ASXL2: variants seen among roughly 807,000 people sequenced by gnomAD.
ASXL2 encodes ASXL transcriptional regulator 2.
In ASXL2, 23 loss-of-function variants were observed where a neutral mutation model predicts 122.0. The observed-to-expected ratio is 0.19, with a 90% CI of 0.14 to 0.27. The LOEUF (loss-of-function observed/expected upper bound fraction) is 0.27, where lower values mean the gene tolerates loss of function less well. Among genes scored for constraint, ASXL2 ranks in the 10% least tolerant of loss-of-function variants. The probability of loss-of-function intolerance (pLI) is 1.00; values close to 1 mark genes in which losing one functional copy is unlikely to be tolerated. For synonymous variants in ASXL2, 650 were observed against 637.0 expected (o/e 1.02, Z -0.31); for missense variants, 1,518 against 1,713.8 (o/e 0.89, Z 2.02).
chr2:25,815,488 T>C (rs75197607), intron 3 of ASXL2, among the ~76,000 whole-genome samples: 2 of 152,190 alleles, frequency 1.3e-5, no homozygotes, highest in African/African-American at 2.4e-5. Flanking sequence ...ATAAATCCTA[T>C]ACTTCTCTGA....
intron 5 of ASXL2, among the ~76,000 whole-genome samples, chr2:25,796,906 C>A (rs1244825301): frequency 6.6e-6 from 1 of 151,986 alleles, no homozygotes; most frequent in African/African-American, 2.4e-5. Flanking sequence ...AAAAGAAATC[C>A]AGATACAGGT....
chr2:25,802,470 T>G (rs1320205306), intron 4 of ASXL2, among the ~76,000 whole-genome samples: 1 of 152,218 alleles, frequency 6.6e-6, no homozygotes, highest in African/African-American at 2.4e-5. Context: ...GCAATAGTGT[T>G]ACTAGTAGAA....
chr2:25,775,719 C>A (rs1370644561), intron 5 of ASXL2, among the ~76,000 whole-genome samples: 93 of 152,260 alleles, frequency 6.1e-4, no homozygotes, highest in Admixed American at 6.0e-3. Flanking sequence ...TCAACTAAAC[C>A]TTTTTCCTTT....
chr2:25,742,001 C>G lies in ASXL2; in HGVS notation c.*28G>C, dbSNP rs374936572. 3.2e-6 allele frequency: 5 copies of G among 1,585,636 alleles called. No individual in the cohort carries two copies. Among genetic ancestry groups the G allele is most frequent in the Non-Finnish European group, 4.3e-6 (5 of 1,161,910 alleles). ...CTGGTCAACCCTTCCCTTCCCCCTC[C>G]TTTACAGTGTATCTCTTTCTAGTCT... is the stretch of plus-strand genomic sequence containing the variant. On this transcript the variant is annotated 3_prime_UTR_variant, in exon 13 of 13. Transcript: ENST00000435504.
chr2:25,784,727 C>T (rs2088709237), intron 5 of ASXL2, among the ~76,000 whole-genome samples: 1 of 152,232 alleles, frequency 6.6e-6, no homozygotes, highest in Non-Finnish European at 1.5e-5. Flanking sequence ...CTTCATGTCT[C>T]CATGTCTTCA....
chr2:25,866,802 G>A (rs544016988), intron 1 of ASXL2, among the ~76,000 whole-genome samples: 13 of 151,762 alleles, frequency 8.6e-5, no homozygotes, highest in African/African-American at 2.9e-4. Context: ...GTATGATCTC[G>A]GCTCATTGCA....
At position 25,744,451 on chromosome 2, in the gene ASXL2, A is replaced by C; in HGVS notation, c.1886T>G (p.Met629Arg). The C allele has an allele frequency of 1.2e-6, 2 of 1,604,904 alleles. No homozygotes were observed. The highest frequency in any genetic ancestry group is 8.5e-7 in the Non-Finnish European group (1 of 1,177,326). ...LKIPVSRISP[M>R]PFHPSQVSPR... ...AGAGACCTGCGATGGATGAAACGGC[A>C]TGGGGGAGATTCTGGAGACCGGGAT... The change falls in exon 13 of 13, where the codon ATG becomes AGG. Residue 629 changes from methionine (M) to arginine (R), a missense_variant. Met to Arg is a moderately conservative substitution (Grantham distance 91, BLOSUM62 -1). Transcript: ENST00000435504. The surrounding 1 kb of genome is among the most constrained non-coding windows in gnomAD (Gnocchi z 4.7).
intron 1 of ASXL2, among the ~76,000 whole-genome samples, chr2:25,869,827 T>C (rs2089948006): frequency 6.9e-6 from 1 of 144,722 alleles, no homozygotes; most frequent in Admixed American, 7.0e-5. Flanking sequence ...AAAAAAAAAG[T>C]GAAAAAAATT....
At chr2:25,799,795 G>A (rs1044276234) in intron 4 of ASXL2, among the ~76,000 whole-genome samples, 2 of 152,030 alleles carry the variant, frequency 1.3e-5, no homozygotes, top group African/African-American at 4.8e-5. Flanking sequence ...GACAAAAATT[G>A]GGTAGATATG....
rs950918432 is a variant in ASXL2 at position 25,741,522 on chromosome 2, A to G, written c.*507T>C. On this transcript the variant is annotated 3_prime_UTR_variant, in exon 13 of 13. Coordinates refer to ENST00000435504, the MANE Select transcript of ASXL2 (RefSeq NM_018263.6). Reference sequence around the variant, plus strand: ...GTAAAACCCTGAATCCAAGTCCTGCAAAGGCTGAATAATCTATGAATAACC... The same window carrying G: ...GTAAAACCCTGAATCCAAGTCCTGCGAAGGCTGAATAATCTATGAATAACC... 4.3e-6 allele frequency: 1 copy of G among 231,464 alleles called. No individual in the cohort carries two copies. Among genetic ancestry groups the G allele is most frequent in the Non-Finnish European group, 8.5e-6 (1 of 117,044 alleles). The allele number at this position is 231,464 out of a possible 1,614,324, so 14.3% of individuals were successfully genotyped here.
intron 3 of ASXL2, among the ~76,000 whole-genome samples, chr2:25,813,204 G>C (rs1326469873): frequency 6.6e-6 from 1 of 152,192 alleles, no homozygotes; most frequent in Non-Finnish European, 1.5e-5. Context: ...TCTTAGCTTA[G>C]AATCTAATAG....
chr2:25,856,681 T>TA (rs1257874340), intron 1 of ASXL2: 8 of 1,277,064 alleles, frequency 6.3e-6, no homozygotes, highest in Admixed American at 3.4e-5. Context: ...CCTCAGCCGT[T>TA]AGAGTGAGCC....
intron 3 of ASXL2, among the ~76,000 whole-genome samples, chr2:25,816,741 C>T (rs1394640989): frequency 2.6e-5 from 4 of 152,162 alleles, no homozygotes; most frequent in Non-Finnish European, 5.9e-5. Flanking sequence ...TAGCAATACT[C>T]ACTGCCAAAA....
intron 8 of ASXL2, among the ~76,000 whole-genome samples, chr2:25,760,769 C>T (rs548234234): frequency 6.6e-6 from 1 of 152,068 alleles, no homozygotes; most frequent in South Asian, 2.1e-4. Flanking sequence ...AGAAGTTATG[C>T]CACTACAAGA....
rs190810100 is a variant in ASXL2, at chr2:25,767,821, T to C, written c.632-95A>G. On this transcript the variant is annotated intron_variant, in intron 7 of 12. Transcript: ENST00000435504. The stretch of plus-strand genomic sequence containing the variant: ...TCAACATTCACTAAATGAAGTTATG[T>C]ATGAGGCAATGTGACCCTCCCTAAT... 21 of 1,399,902 alleles carry C rather than the reference T, an allele frequency of 1.5e-5. No individual in the cohort carries two copies. In the Admixed American group the frequency reaches 2.6e-4, roughly 17 times the overall value. 86.7% of individuals were successfully genotyped at this position (1,399,902 alleles called of 1,614,324 possible). A position where few individuals can be genotyped will look rare whatever the true frequency, so the allele number is the denominator to read the frequency against.
In ASXL2 at chr2:25,735,211, T is replaced by C. The variant is rs746016053; in HGVS notation, c.*6818A>G. Reference sequence around the variant, plus strand: ...TGCCTTTTTAGGTTAAGGCAGAAAGTTACATGGAAGTACAGAGTCTATACA... The same window carrying C: ...TGCCTTTTTAGGTTAAGGCAGAAAGCTACATGGAAGTACAGAGTCTATACA... On this transcript the variant is annotated 3_prime_UTR_variant, in exon 13 of 13. Coordinates refer to ENST00000435504, the MANE Select transcript of ASXL2 (RefSeq NM_018263.6). The C allele has an allele frequency of 6.6e-6, 1 of 152,158 alleles. No homozygotes were observed. The highest frequency in any genetic ancestry group is 1.5e-5 in the Non-Finnish European group (1 of 68,034). 9.4% of individuals were successfully genotyped at this position (152,158 alleles called of 1,614,324 possible).
chr2:25,818,852 A>G (rs776989097), intron 3 of ASXL2, among the ~76,000 whole-genome samples: 6 of 152,200 alleles, frequency 3.9e-5, no homozygotes, highest in Non-Finnish European at 7.4e-5. Flanking sequence ...TCATGGCCCT[A>G]CATAATTCCT....
chr2:25,746,181 T>C (rs7609004), intron 12 of ASXL2, among the ~76,000 whole-genome samples: 48,879 of 151,982 alleles, frequency 0.32, 8,431 homozygotes, highest in African/African-American at 0.41. Flanking sequence ...TCTTAATGTT[T>C]TTAAATTAAG....
At position 25,775,781 on chromosome 2, in the gene ASXL2, A is replaced by G. The variant is rs529808167; in HGVS notation, c.404-4241T>C. Reference sequence around the variant, plus strand: ...TAGCAGTGTGAAAACAACCTAATACACCCTCTCTCAGTCTCCTCCTCTTTC... The same window carrying G: ...TAGCAGTGTGAAAACAACCTAATACGCCCTCTCTCAGTCTCCTCCTCTTTC... On this transcript the variant is annotated intron_variant, in intron 5 of 12. Transcript: ENST00000435504. Among the ~76,000 whole-genome samples, 7 of 152,050 alleles carry G rather than the reference A, an allele frequency of 4.6e-5. No individual in the cohort carries two copies. In the South Asian group the frequency reaches 1.2e-3, roughly 27 times the overall value.
Sources: allele counts gnomAD v4.1 joint callset (sites outside exome capture counted in the v4.1 genomes callset), GRCh38; gene constraint gnomAD v4.1.1; non-coding constraint Gnocchi (gnomAD v3.1); transcripts MANE v1.5; gene names NCBI Gene and HGNC (gene_info 2026-07-23, HGNC 2026-07-21).